The following XIRP2 variants were observed in gnomAD, a reference collection of about 807,000 sequenced individuals.
The protein encoded by XIRP2 is xin actin binding repeat containing 2.
A neutral mutation model predicts 277.0 loss-of-function variants in XIRP2; 236 were observed. The observed-to-expected ratio is 0.85, with a 90% CI of 0.77 to 0.95. The LOEUF is 0.95. Among genes scored for constraint, XIRP2 ranks in the 40% least tolerant of loss-of-function variants. XIRP2 has a pLI of 0.00. For synonymous variants in XIRP2, 1,490 were observed against 1,416.5 expected (o/e 1.05, Z -1.17); for missense variants, 4,640 against 4,157.5 (o/e 1.12, Z -3.19).
intron 2 of XIRP2, among the ~76,000 whole-genome samples, chr2:166,980,070 G>A (rs1385691711): frequency 1.3e-5 from 2 of 151,974 alleles, no homozygotes; most frequent in African/African-American, 4.8e-5. Flanking sequence ...TTCTCAATAA[G>A]CTTGGCAATT....
intron 2 of XIRP2, among the ~76,000 whole-genome samples, chr2:166,915,995 G>T (rs558477328): frequency 6.6e-6 from 1 of 152,124 alleles, no homozygotes; most frequent in Non-Finnish European, 1.5e-5. Context: ...GAGGCATGGA[G>T]AAAACCATGA....
chr2:167,167,639 C>T (rs1287683494), intron 3 of XIRP2, among the ~76,000 whole-genome samples: 2 of 152,022 alleles, frequency 1.3e-5, no homozygotes, highest in African/African-American at 4.8e-5. Flanking sequence ...ATCCTAATTC[C>T]TCCCTCCTAT....
intron 3 of XIRP2, among the ~76,000 whole-genome samples, chr2:167,150,501 A>G (rs74861079): frequency 0.053 from 8,051 of 152,170 alleles, 338 homozygotes; most frequent in African/African-American, 0.11. Context: ...TACAGTTTAA[A>G]TGCCAATTAC....
At chr2:166,917,849 C>T (rs905902732) in intron 2 of XIRP2, among the ~76,000 whole-genome samples, 2 of 152,112 alleles carry the variant, frequency 1.3e-5, no homozygotes, top group African/African-American at 4.8e-5. Flanking sequence ...GTTTATTCAA[C>T]ATTTCTAGTC....
chr2:167,033,929 C>A (rs897404950), intron 2 of XIRP2, among the ~76,000 whole-genome samples: 18 of 152,052 alleles, frequency 1.2e-4, no homozygotes, highest in Admixed American at 7.9e-4. Flanking sequence ...AAGAAATTAG[C>A]TGAAGGTTGA....
At chr2:167,150,656 A>G (rs1691990968) in intron 3 of XIRP2, among the ~76,000 whole-genome samples, 1 of 151,998 alleles carries the variant, frequency 6.6e-6, no homozygotes, top group Admixed American at 6.6e-5. Context: ...AACATTTTAT[A>G]GGAAGAAATC....
chr2:167,103,122 G>C (rs1208039870), intron 2 of XIRP2, among the ~76,000 whole-genome samples: 1 of 152,040 alleles, frequency 6.6e-6, no homozygotes, highest in African/African-American at 2.4e-5. Flanking sequence ...CTGGGCTATG[G>C]AGCAAGATCC....
chr2:166,952,535 C>T (rs563018722), intron 2 of XIRP2, among the ~76,000 whole-genome samples: 2 of 152,080 alleles, frequency 1.3e-5, no homozygotes, highest in East Asian at 3.9e-4. Flanking sequence ...CACTTCTCTA[C>T]TTCCAGAGAG....
chr2:167,190,438 G>C (rs746593427), intron 3 of XIRP2, among the ~76,000 whole-genome samples: 2 of 151,862 alleles, frequency 1.3e-5, no homozygotes, highest in Admixed American at 6.6e-5. Flanking sequence ...AGTCATTCTC[G>C]GGAGACTCCA....
rs189205788 is a variant in XIRP2 at position 166,906,291 on chromosome 2, T to C, written c.408+2401T>C. ...AAATTTGTAAAATAATTGCAGTAAA[T>C]TGAGAGCTTGTAGAATTTTTAAAGG... is the stretch of plus-strand genomic sequence containing the variant. On this transcript the variant is annotated intron_variant, in intron 2 of 10. Coordinates refer to ENST00000409195, the MANE Select transcript of XIRP2 (RefSeq NM_152381.6). Among the ~76,000 whole-genome samples the C allele has an allele frequency of 1.2e-3, 185 of 152,094 alleles. 1 individual carries two copies. The highest frequency in any genetic ancestry group is 2.0e-3 in the Non-Finnish European group (137 of 67,926).
intron 3 of XIRP2, among the ~76,000 whole-genome samples, chr2:167,175,900 C>G (rs553712822): frequency 6.6e-6 from 1 of 152,122 alleles, no homozygotes; most frequent in East Asian, 1.9e-4. Flanking sequence ...TGGTACCCAG[C>G]GGCTTTGTTT....
chr2:166,940,688 T>A (rs189697137), intron 2 of XIRP2, among the ~76,000 whole-genome samples: 37 of 152,354 alleles, frequency 2.4e-4, no homozygotes, highest in Non-Finnish European at 4.6e-4. Flanking sequence ...GCTGCAGGTC[T>A]GTTGGAGTTT....
intron 1 of XIRP2, among the ~76,000 whole-genome samples, chr2:166,889,251 T>C (rs954275336): frequency 5.3e-5 from 8 of 152,178 alleles, no homozygotes; most frequent in African/African-American, 1.9e-4. Context: ...ACATTCAAAT[T>C]GTTACATATG....
rs373687539 is a variant in XIRP2 at position 167,011,993 on chromosome 2, A to G, written c.408+108103A>G. On this transcript the variant is annotated intron_variant, in intron 2 of 10. Transcript: ENST00000409195. ...TCTTTATTAGTCTTGCTAGCGGTCTATCAATTTTGTTGATCTTTTCAAAAA... is the reference window on the plus strand; with the variant it reads ...TCTTTATTAGTCTTGCTAGCGGTCTGTCAATTTTGTTGATCTTTTCAAAAA... Among the ~76,000 whole-genome samples the G allele has an allele frequency of 1.8e-4, 27 of 151,998 alleles. 1 individual carries two copies. The highest frequency in any genetic ancestry group is 5.8e-4 in the East Asian group (3 of 5,158).
chr2:167,023,811 C>T (rs1162827236), intron 2 of XIRP2, among the ~76,000 whole-genome samples: 3 of 152,076 alleles, frequency 2.0e-5, no homozygotes, highest in Non-Finnish European at 4.4e-5. Context: ...TTCCATTGAT[C>T]TATATCTCTG....
intron 2 of XIRP2, among the ~76,000 whole-genome samples, chr2:166,925,648 AT>A (rs1366718565): frequency 6.9e-6 from 1 of 145,574 alleles, no homozygotes; most frequent in African/African-American, 2.5e-5. Flanking sequence ...TATATATAAA[AT>A]TTCTCTCCTC....
chr2:167,254,005 G>A (rs964822951), intron 9 of XIRP2, 27 bp from the exon 10 acceptor site: 1 of 1,569,080 alleles, frequency 6.4e-7, no homozygotes, highest in African/African-American at 1.4e-5. Flanking sequence ...TAACACTACA[G>A]AAGGCTTTGT....
intron 2 of XIRP2, among the ~76,000 whole-genome samples, chr2:167,116,198 A>G (rs1690892406): frequency 6.6e-6 from 1 of 152,164 alleles, no homozygotes; most frequent in Non-Finnish European, 1.5e-5. Flanking sequence ...AATAGATTTC[A>G]ATCAACTTAT....
chr2:166,910,488 T>G (rs1037778073), intron 2 of XIRP2, among the ~76,000 whole-genome samples: 3 of 152,216 alleles, frequency 2.0e-5, no homozygotes, highest in Admixed American at 1.3e-4. Context: ...TGGCATCTAT[T>G]TGATTCTTCT....
Sources: gnomAD v4.1 joint callset for allele counts (sites outside exome capture counted in the v4.1 genomes callset) on GRCh38, gnomAD v4.1.1 for gene constraint, MANE v1.5 for transcripts, NCBI Gene and HGNC (gene_info 2026-07-23, HGNC 2026-07-21) for gene names.